SH3D19: variants seen among roughly 807,000 people sequenced by gnomAD.
SH3D19 encodes the protein SH3 domain containing 19, also known as SH3 domain-containing protein 19.
A neutral mutation model predicts 112.1 loss-of-function variants in SH3D19; 58 were observed. That is an observed-to-expected ratio of 0.52 (90% CI 0.42 to 0.64). SH3D19 has a LOEUF of 0.64. SH3D19 is among the 30% of genes least tolerant of loss of function. The pLI, the probability that SH3D19 is intolerant of heterozygous loss-of-function variation, is 0.00. For missense variants in SH3D19, 1,090 were observed against 1,263.4 expected, an observed-to-expected ratio of 0.86 and a Z score of 2.08; for synonymous variants, 391 against 448.5, an observed-to-expected ratio of 0.87 and a Z score of 1.62.
intron 2 of SH3D19, among the ~76,000 whole-genome samples, chr4:151,188,395 C>A (rs980231431): frequency 4.6e-5 from 7 of 152,084 alleles, no homozygotes; most frequent in African/African-American, 1.7e-4. Context: ...GCGGAATGTC[C>A]CTCATCCAAA....
intron 1 of SH3D19, among the ~76,000 whole-genome samples, chr4:151,226,873 A>C (rs558711274): frequency 6.6e-6 from 1 of 152,234 alleles, no homozygotes; most frequent in East Asian, 1.9e-4. Flanking sequence ...CTATTAATCA[A>C]CCTTGAGACT....
chr4:151,314,476 G>A (rs768072200), intron 1 of SH3D19, among the ~76,000 whole-genome samples: 7 of 152,144 alleles, frequency 4.6e-5, no homozygotes, highest in Non-Finnish European at 1.0e-4. Context: ...GTAAAAAAAC[G>A]GTGGAGTGGG....
chr4:151,139,835 C>A lies in SH3D19; in HGVS notation c.2236G>T (p.Ala746Ser). 5 of 1,614,042 alleles carry A rather than the reference C, an allele frequency of 3.1e-6. No individual in the cohort carries two copies. The highest frequency in any genetic ancestry group is 2.2e-5 in the East Asian group (1 of 44,884). ...GCACCACTGTCAACAGGCTTCTGAGCGTGGCTTGGATCCTTAGGGGGAGAA... is the reference window on the plus strand; with the variant it reads ...GCACCACTGTCAACAGGCTTCTGAGAGTGGCTTGGATCCTTAGGGGGAGAA... The part of the protein sequence containing the change: ...LRSRPNDPSH[A>S]QKPVDSGAPH... Residue 746 changes from alanine (A) to serine (S), a missense_variant, in exon 13 of 20, where the codon GCT becomes TCT. Transcript: ENST00000604030.
Position 151,143,936 on chromosome 4 carries a change from C to T in SH3D19, c.2197G>A (p.Asp733Asn). 2 of 1,613,892 alleles carry T rather than the reference C, an allele frequency of 1.2e-6. No homozygotes were observed. Among genetic ancestry groups the T allele is most frequent in the Non-Finnish European group, 1.7e-6 (2 of 1,179,930 alleles). Reference protein sequence around the residue: ...LSQMKIITPLDEHLRSRPNDP... With the variant: ...LSQMKIITPLNEHLRSRPNDP... The stretch of plus-strand genomic sequence containing the variant: ...TTTGGTCTGCTTCTAAGATGTTCAT[C>T]AAGTGGAGTGATAATCTTCATTTGA... The change falls in exon 12 of 20, where the codon GAT (aspartate) becomes AAT (asparagine). Residue 733 changes from aspartate to asparagine, a missense_variant. Transcript: ENST00000604030.
Position 151,175,347 on chromosome 4 carries a change from G to A in SH3D19, c.857C>T (p.Thr286Ile). ...DSQAVMNIMNTEQSQNSIVSR... is the reference protein window; with the variant it reads ...DSQAVMNIMNIEQSQNSIVSR... ...AACAATACTATTTTGGCTTTGTTCT[G>A]TGTTCATAATGTTCATCACTGCCTG... Residue 286 changes from threonine to isoleucine, a missense_variant, in exon 7 of 20, where the codon ACA (threonine) becomes ATA (isoleucine). By Grantham distance (89) the Thr-to-Ile change is moderately conservative. Coordinates refer to ENST00000604030, the MANE Select transcript of SH3D19 (RefSeq NM_001378122.1). 1 of 1,611,050 alleles carries A rather than the reference G, an allele frequency of 6.2e-7. No individual in the cohort carries two copies. The highest frequency in any genetic ancestry group is 8.5e-7 in the Non-Finnish European group (1 of 1,178,610).
chr4:151,222,704 ACT>A (rs1182271343), intron 2 of SH3D19, among the ~76,000 whole-genome samples: 1 of 110,374 alleles, frequency 9.1e-6, no homozygotes, highest in Non-Finnish European at 1.7e-5. Context: ...ACGGAGTCTC[ACT>A]CTGTTGCCCA....
chr4:151,146,290 T>G (rs551809065), intron 11 of SH3D19, among the ~76,000 whole-genome samples: 3 of 152,252 alleles, frequency 2.0e-5, no homozygotes, highest in Non-Finnish European at 4.4e-5. Context: ...GCTCTCCTGA[T>G]CATTTTTATT....
At chr4:151,217,920 T>C (rs1053944025) in intron 2 of SH3D19, among the ~76,000 whole-genome samples, 7 of 152,140 alleles carry the variant, frequency 4.6e-5, no homozygotes, top group Non-Finnish European at 4.4e-5. Context: ...TATATATGTA[T>C]ACAGATATAC....
intron 13 of SH3D19, among the ~76,000 whole-genome samples, chr4:151,138,134 C>CT (rs1378987139): frequency 6.6e-6 from 1 of 151,942 alleles, no homozygotes; most frequent in African/African-American, 2.4e-5. Flanking sequence ...CAAATGTTTC[C>CT]TACTGTGCCA....
intron 2 of SH3D19, among the ~76,000 whole-genome samples, chr4:151,197,325 C>T (rs1201622562): frequency 6.6e-6 from 1 of 152,198 alleles, no homozygotes; most frequent in Non-Finnish European, 1.5e-5. Context: ...CTTGCACATG[C>T]ATATTTATAG....
intron 1 of SH3D19, among the ~76,000 whole-genome samples, chr4:151,253,115 AT>A (rs1242046570): frequency 1.3e-5 from 2 of 152,214 alleles, no homozygotes; most frequent in Non-Finnish European, 2.9e-5. Context: ...ACTACTAAGA[AT>A]AAAAACCGAA....
At chr4:151,298,498 T>G (rs552847516) in intron 1 of SH3D19, among the ~76,000 whole-genome samples, 1 of 152,264 alleles carries the variant, frequency 6.6e-6, no homozygotes, top group African/African-American at 2.4e-5. Flanking sequence ...TTTTAAGCCA[T>G]TAAATTTGTA....
chr4:151,149,615 G>C (rs1754553542), intron 9 of SH3D19, 54 bp from the exon 10 acceptor site: 2 of 1,527,578 alleles, frequency 1.3e-6, no homozygotes, highest in Non-Finnish European at 1.8e-6. Flanking sequence ...ACAAGAACTT[G>C]TCAAGAGAAA....
chr4:151,241,129 A>AG (rs1350254461), intron 1 of SH3D19, among the ~76,000 whole-genome samples: 1 of 151,740 alleles, frequency 6.6e-6, no homozygotes, highest in African/African-American at 2.4e-5. Flanking sequence ...TACAAAAAAA[A>AG]AAAAATTAAA....
At chr4:151,280,088 A>G (rs1270935241) in intron 1 of SH3D19, 3 of 1,127,782 alleles carry the variant, frequency 2.7e-6, no homozygotes, top group African/African-American at 1.6e-5. Context: ...GTCATGTCAG[A>G]CTATCAAACC....
At chr4:151,284,977 A>G (rs981082423) in intron 1 of SH3D19, among the ~76,000 whole-genome samples, 1 of 152,112 alleles carries the variant, frequency 6.6e-6, no homozygotes, top group Admixed American at 6.5e-5. Context: ...GCACTTTCCA[A>G]CTGCTAAGGT....
chr4:151,255,587 CG>C (rs371531780), intron 1 of SH3D19, among the ~76,000 whole-genome samples: 51,049 of 150,084 alleles, frequency 0.34, 9,580 homozygotes, highest in Non-Finnish European at 0.45. Flanking sequence ...AGACGATGGG[CG>C]GCCAGGCAGA....
chr4:151,220,769 G>A (rs187812703), intron 2 of SH3D19, among the ~76,000 whole-genome samples: 1 of 152,290 alleles, frequency 6.6e-6, no homozygotes. Context: ...GTACTTGAGT[G>A]TATCAAAGAC....
chr4:151,227,871 CTAGTGG>C, intron 1 of SH3D19: 1 of 985,352 alleles, frequency 1.0e-6, no homozygotes, highest in Middle Eastern at 5.2e-4. Flanking sequence ...ACTAATCTTC[CTAGTGG>C]TACAACACAC....
Sources: gnomAD v4.1 joint callset for allele counts (sites outside exome capture counted in the v4.1 genomes callset) on GRCh38, gnomAD v4.1.1 for gene constraint, MANE v1.5 for transcripts, NCBI Gene and HGNC (gene_info 2026-07-23, HGNC 2026-07-21) for gene names.